CALCR: variants seen among roughly 807,000 people sequenced by gnomAD.
CALCR encodes calcitonin receptor.
In CALCR, 47 loss-of-function variants were observed where a neutral mutation model predicts 59.5. The observed-to-expected ratio is 0.79, with a 90% CI of 0.63 to 1.01. The LOEUF is 1.01. Ranked by LOEUF, CALCR falls within the 50% of genes least tolerant of loss-of-function variation. CALCR has a pLI of 0.00. For missense variants in CALCR, 566 were observed against 597.1 expected, an observed-to-expected ratio of 0.95 and a Z score of 0.54; for synonymous variants, 213 against 211.3, an observed-to-expected ratio of 1.01 and a Z score of -0.07.
At chr7:93,505,213 TC>T (rs1360320144) in intron 2 of CALCR, among the ~76,000 whole-genome samples, 4 of 151,904 alleles carry the variant, frequency 2.6e-5, no homozygotes, top group East Asian at 1.9e-4. Context: ...TTTGCAGAAC[TC>T]CCCCCCAAAA....
intron 2 of CALCR, among the ~76,000 whole-genome samples, chr7:93,508,928 T>C (rs1801485639): frequency 6.6e-6 from 1 of 152,110 alleles, no homozygotes; most frequent in Admixed American, 6.5e-5. Context: ...TCTGTAGCGC[T>C]GTGTTAAAAA....
chr7:93,468,134 A>G (rs1195044859), intron 7 of CALCR, among the ~76,000 whole-genome samples: 1 of 151,810 alleles, frequency 6.6e-6, no homozygotes, highest in African/African-American at 2.4e-5. Context: ...TAAGATGACA[A>G]GATAATTTAA....
chr7:93,452,220 G>T (rs1219575397), intron 8 of CALCR, among the ~76,000 whole-genome samples: 1 of 152,038 alleles, frequency 6.6e-6, no homozygotes, highest in Non-Finnish European at 1.5e-5. Context: ...TTAGGGTTCA[G>T]AGAGAGTCTC....
intron 8 of CALCR, among the ~76,000 whole-genome samples, chr7:93,444,367 G>A (rs917780710): frequency 6.6e-5 from 10 of 152,064 alleles, no homozygotes; most frequent in Non-Finnish European, 1.2e-4. Context: ...CAATGCAGAC[G>A]TAGGAGCCAC....
At chr7:93,507,849 G>A (rs965861821) in intron 2 of CALCR, among the ~76,000 whole-genome samples, 16 of 151,844 alleles carry the variant, frequency 1.1e-4, no homozygotes, top group Middle Eastern at 6.8e-3. Flanking sequence ...CATGAACCCG[G>A]GAGGCAGAGC....
chr7:93,467,264 T>A (rs1800459377), intron 7 of CALCR, among the ~76,000 whole-genome samples: 1 of 151,758 alleles, frequency 6.6e-6, no homozygotes, highest in African/African-American at 2.4e-5. Flanking sequence ...AATTAATACT[T>A]CATGTCTTTT....
At chr7:93,552,099 G>A (rs1321056352) in intron 2 of CALCR, among the ~76,000 whole-genome samples, 1 of 152,124 alleles carries the variant, frequency 6.6e-6, no homozygotes, top group Non-Finnish European at 1.5e-5. Flanking sequence ...ATAGTTTAAT[G>A]CAGAGAAAAG....
At chr7:93,540,635 C>T (rs1320450828) in intron 2 of CALCR, among the ~76,000 whole-genome samples, 1 of 150,624 alleles carries the variant, frequency 6.6e-6, no homozygotes, top group Non-Finnish European at 1.5e-5. Context: ...CTCTAACTGT[C>T]CTAATTTTAA....
At chr7:93,485,284 A>G (rs1375698248) in intron 3 of CALCR, among the ~76,000 whole-genome samples, 6 of 151,672 alleles carry the variant, frequency 4.0e-5, no homozygotes, top group Admixed American at 3.3e-4. Context: ...GGTGCCCACA[A>G]GCCATAAAAT....
intron 4 of CALCR, among the ~76,000 whole-genome samples, chr7:93,478,624 G>A (rs1800723075): frequency 8.8e-6 from 1 of 113,278 alleles, no homozygotes; most frequent in Non-Finnish European, 1.8e-5. Flanking sequence ...GAGAGAGTGA[G>A]ACCCTGTCTT....
intron 3 of CALCR, among the ~76,000 whole-genome samples, chr7:93,481,881 C>T (rs1462202943): frequency 2.0e-5 from 3 of 151,794 alleles, no homozygotes; most frequent in African/African-American, 7.2e-5. Flanking sequence ...ATGACACTTT[C>T]CCCACTGGTC....
chr7:93,523,650 T>C (rs1425184526), intron 2 of CALCR, among the ~76,000 whole-genome samples: 1 of 152,196 alleles, frequency 6.6e-6, no homozygotes, highest in Non-Finnish European at 1.5e-5. Context: ...CTTATTATCC[T>C]ATGAATAAAG....
At chr7:93,475,079 A>T (rs2299252) in intron 5 of CALCR, among the ~76,000 whole-genome samples, 1 of 151,524 alleles carries the variant, frequency 6.6e-6, no homozygotes, top group Non-Finnish European at 1.5e-5. Context: ...TAGTAAAAAA[A>T]TCCTTTCAAC....
intron 3 of CALCR, among the ~76,000 whole-genome samples, chr7:93,483,458 CAGACAGAT>C (rs1562991855): frequency 9.8e-5 from 10 of 102,538 alleles, no homozygotes; most frequent in African/African-American, 9.6e-4. Context: ...GATAGATAGA[CAGACAGAT>C]AGATAGATAT....
At chr7:93,565,251 A>G (rs979407268) in intron 2 of CALCR, among the ~76,000 whole-genome samples, 1 of 152,216 alleles carries the variant, frequency 6.6e-6, no homozygotes, top group African/African-American at 2.4e-5. Context: ...CTCCTCTTTA[A>G]TGAATGCACT....
At chr7:93,489,715 G>A (rs550129538) in intron 2 of CALCR, among the ~76,000 whole-genome samples, 12 of 152,074 alleles carry the variant, frequency 7.9e-5, no homozygotes, top group African/African-American at 2.9e-4. Flanking sequence ...CCAGGAAGAA[G>A]TTGGAGCCCT....
intron 5 of CALCR, among the ~76,000 whole-genome samples, chr7:93,477,246 T>A (rs981251991): frequency 6.6e-6 from 1 of 151,858 alleles, no homozygotes; most frequent in Non-Finnish European, 1.5e-5. Flanking sequence ...TACCCCTTTT[T>A]CAGTGAGACA....
chr7:93,456,305 G>A (rs1800206872), intron 8 of CALCR, among the ~76,000 whole-genome samples: 1 of 152,034 alleles, frequency 6.6e-6, no homozygotes, highest in Non-Finnish European at 1.5e-5. Context: ...ATATGATATT[G>A]CCCCATTGAT....
At chr7:93,568,506 A>ACTTTCT (rs1202231936) in intron 2 of CALCR, among the ~76,000 whole-genome samples, 1 of 55,114 alleles carries the variant, frequency 1.8e-5, no homozygotes, top group African/African-American at 7.2e-5. Context: ...CCATAAAATT[A>ACTTTCT]CTTTCTCTCT....
Sources: allele counts gnomAD v4.1 joint callset (sites outside exome capture counted in the v4.1 genomes callset), GRCh38; gene constraint gnomAD v4.1.1; transcripts MANE v1.5; gene names NCBI Gene and HGNC (gene_info 2026-07-23, HGNC 2026-07-21).